Variants in ACTG2 observed in about 807,000 individuals in gnomAD.
ACTG2 encodes the protein actin, gamma-enteric smooth muscle.
In ACTG2, 16 loss-of-function variants were observed where a neutral mutation model predicts 37.6. The ratio of observed to expected loss-of-function variants is 0.43; its 90% confidence interval spans 0.29 to 0.65. The LOEUF (loss-of-function observed/expected upper bound fraction) is 0.65, where lower values mean the gene tolerates loss of function less well. Ranked by LOEUF, ACTG2 falls within the 30% of genes least tolerant of loss-of-function variation. ACTG2 has a pLI of 0.18. For synonymous variants in ACTG2, 181 were observed against 179.9 expected (o/e 1.01, Z -0.05); for missense variants, 238 against 490.9 (o/e 0.48, Z 4.87).
chr2:73,896,804 G>A (rs960757960), intron 1 of ACTG2: 3 of 152,202 alleles, frequency 2.0e-5, no homozygotes, highest in African/African-American at 7.2e-5. Flanking sequence ...AAGCCCAGAT[G>A]TCATTCGTGC....
chr2:73,902,228 G>A lies in ACTG2; in HGVS notation c.127-132G>A, dbSNP rs978210934. On this transcript the variant is annotated intron_variant, in intron 2 of 8. Transcript: ENST00000345517. ...TGGCATCTGCTCCATCCTGTCTCCTGCTATCCTGTTTCTGGGGGAAGAAAG... is the reference window on the plus strand; with the variant it reads ...TGGCATCTGCTCCATCCTGTCTCCTACTATCCTGTTTCTGGGGGAAGAAAG... 9.5e-6 allele frequency: 10 copies of A among 1,050,920 alleles called. No homozygotes were observed. The East Asian group carries it at 9.9e-5, about 10-fold the overall frequency. 65.1% of individuals were successfully genotyped at this position (1,050,920 alleles called of 1,614,324 possible).
chr2:73,915,334 ACATAGCGAAACC>A (rs1044975366), intron 7 of ACTG2, among the ~76,000 whole-genome samples: 1 of 151,940 alleles, frequency 6.6e-6, no homozygotes, highest in Non-Finnish European at 1.5e-5. Flanking sequence ...AGACTGGGCA[ACATAGCGAAACC>A]CCATCTCTAT....
intron 1 of ACTG2, among the ~76,000 whole-genome samples, chr2:73,894,259 C>T (rs1263787238): frequency 6.6e-6 from 1 of 152,182 alleles, no homozygotes; most frequent in Non-Finnish European, 1.5e-5. Flanking sequence ...GGTCTGGGAC[C>T]ACACTTTGTA....
rs1680222223 is a variant in ACTG2, at chr2:73,914,681, T to G, written c.615T>G (p.Ala205=). 25 of 1,576,450 alleles carry G rather than the reference T, an allele frequency of 1.6e-5. No individual in the cohort carries two copies. Among genetic ancestry groups the G allele is most frequent in the East Asian group, 2.3e-5 (1 of 43,250 alleles). ...TERGYSFVTT[A]EREIVRDIKE... is the part of the protein sequence containing the mutation. Reference sequence around the variant, plus strand: ...TTCTGTCATTTCTGCTCCTTCCAGCTGAGAGAGAAATTGTGCGAGACATCA... The same window carrying G: ...TTCTGTCATTTCTGCTCCTTCCAGCGGAGAGAGAAATTGTGCGAGACATCA... Residue 205 remains alanine, a splice_region_variant and synonymous_variant, in exon 7 of 9, where the codon GCT becomes GCG. Coordinates refer to ENST00000345517, the MANE Select transcript of ACTG2 (RefSeq NM_001615.4).
At chr2:73,899,017 A>G (rs551455181) in intron 1 of ACTG2, among the ~76,000 whole-genome samples, 24 of 151,854 alleles carry the variant, frequency 1.6e-4, no homozygotes, top group Middle Eastern at 3.4e-3. Context: ...TCACCATGTT[A>G]GCCAGGATGG....
intron 1 of ACTG2, among the ~76,000 whole-genome samples, chr2:73,900,420 GAGAA>G (rs1295100508): frequency 2.0e-5 from 3 of 152,250 alleles, no homozygotes; most frequent in Admixed American, 1.3e-4. Context: ...GGCAGAAAAA[GAGAA>G]AGAAAGAATG....
intron 8 of ACTG2, 96 bp downstream of exon 8, chr2:73,916,861 G>A: frequency 7.1e-7 from 1 of 1,410,100 alleles, no homozygotes; most frequent in South Asian, 1.4e-5. Context: ...CTGATAACTT[G>A]CTGGTCTCCT....
chr2:73,913,750 A>C, intron 6 of ACTG2, 104 bp downstream of exon 6: 2 of 1,076,822 alleles, frequency 1.9e-6, no homozygotes, highest in Non-Finnish European at 2.7e-6. Context: ...GTGTCTTTAA[A>C]CTCTCCTGAG....
At chr2:73,898,791 CTTTTT>C (rs1183989476) in intron 1 of ACTG2, among the ~76,000 whole-genome samples, 1 of 92,970 alleles carries the variant, frequency 1.1e-5, no homozygotes, top group African/African-American at 3.8e-5. Context: ...TTTTTCTTTT[CTTTTT>C]TTTTTCTTTT....
intron 3 of ACTG2, chr2:73,902,805 T>C: frequency 6.5e-7 from 1 of 1,529,652 alleles, no homozygotes; most frequent in Non-Finnish European, 8.8e-7. Context: ...AAATCTTCAG[T>C]AGCTCTTCAT....
chr2:73,893,523 A>AT (rs2104796615), intron 1 of ACTG2, among the ~76,000 whole-genome samples: 1 of 152,114 alleles, frequency 6.6e-6, no homozygotes, highest in South Asian at 2.1e-4. Flanking sequence ...ATGGGAGGGT[A>AT]TTTTCTTCAG....
chr2:73,914,483 C>G (rs1283224734), intron 6 of ACTG2, among the ~76,000 whole-genome samples, 197 bp from the exon 7 acceptor site: 1 of 149,084 alleles, frequency 6.7e-6, no homozygotes, highest in African/African-American at 2.5e-5. Flanking sequence ...TGCTTGAACT[C>G]AGGAGGTAGA....
chr2:73,904,452 A>C (rs1373337764), intron 3 of ACTG2, among the ~76,000 whole-genome samples: 1 of 151,610 alleles, frequency 6.6e-6, no homozygotes, highest in East Asian at 1.9e-4. Context: ...CAGGTGGATC[A>C]CTTGAGTCCA....
chr2:73,915,397 A>G (rs1281336403), intron 7 of ACTG2, among the ~76,000 whole-genome samples: 1 of 151,700 alleles, frequency 6.6e-6, no homozygotes, highest in Non-Finnish European at 1.5e-5. Context: ...GTGCATGCCC[A>G]TGGTCCCAGA....
intron 5 of ACTG2, among the ~76,000 whole-genome samples, chr2:73,910,603 A>T (rs954755779): frequency 6.7e-6 from 1 of 149,252 alleles, no homozygotes; most frequent in Non-Finnish European, 1.5e-5. Context: ...GGTTCAAGTG[A>T]TTCTCATGCC....
intron 4 of ACTG2, 118 bp from the exon 5 acceptor site, chr2:73,908,937 A>T: frequency 8.0e-7 from 1 of 1,243,134 alleles, no homozygotes; most frequent in Non-Finnish European, 1.2e-6. Flanking sequence ...TGGGTGTGGA[A>T]TAATGAACTA....
chr2:73,914,216 C>T (rs149315047), intron 6 of ACTG2, among the ~76,000 whole-genome samples: 2,065 of 152,260 alleles, frequency 0.014, 24 homozygotes, highest in African/African-American at 0.016. Context: ...AATGGAGTGA[C>T]GCTTGACCCT....
At chr2:73,902,045 G>C (rs1201293513) in intron 2 of ACTG2, among the ~76,000 whole-genome samples, 9 of 147,098 alleles carry the variant, frequency 6.1e-5, no homozygotes, top group Non-Finnish European at 1.0e-4. Flanking sequence ...GTGTGTCTGT[G>C]TGTGTGTGTG....
At chr2:73,902,045 G>GTGTC (rs1460483443) in intron 2 of ACTG2, among the ~76,000 whole-genome samples, 119 of 147,090 alleles carry the variant, frequency 8.1e-4, no homozygotes, top group Middle Eastern at 3.2e-3. Context: ...GTGTGTCTGT[G>GTGTC]TGTGTGTGTG....
Sources: allele counts gnomAD v4.1 joint callset (sites outside exome capture counted in the v4.1 genomes callset), GRCh38; gene constraint gnomAD v4.1.1; transcripts MANE v1.5; gene names NCBI Gene and HGNC (gene_info 2026-07-23, HGNC 2026-07-21).